The following KCNQ3 variants were observed in gnomAD, a reference collection of about 807,000 sequenced individuals.
The protein encoded by KCNQ3 is potassium voltage-gated channel subfamily Q member 3.
In KCNQ3, 30 loss-of-function variants were observed where a neutral mutation model predicts 92.5. The observed-to-expected ratio is 0.32, with a 90% CI of 0.24 to 0.44. The LOEUF (loss-of-function observed/expected upper bound fraction) is 0.44. Among genes scored for constraint, KCNQ3 ranks in the 20% least tolerant of loss-of-function variants. KCNQ3 has a pLI of 1.00. For missense variants in KCNQ3, 913 were observed against 1,140.3 expected (o/e 0.80, Z 2.87); for synonymous variants, 450 against 468.8 (o/e 0.96, Z 0.52).
chr8:132,448,859 T>C (rs1275483357), intron 1 of KCNQ3, among the ~76,000 whole-genome samples: 1 of 152,246 alleles, frequency 6.6e-6, no homozygotes, highest in Non-Finnish European at 1.5e-5. Flanking sequence ...TTCCATCATT[T>C]AGTTTGGCAT....
At chr8:132,268,108 C>T (rs1816046292) in intron 1 of KCNQ3, among the ~76,000 whole-genome samples, 1 of 152,156 alleles carries the variant, frequency 6.6e-6, no homozygotes, top group East Asian at 1.9e-4. Flanking sequence ...ATGCTCCCTC[C>T]CCACCAGCTA....
chr8:132,283,069 T>G (rs1816576470), intron 1 of KCNQ3, among the ~76,000 whole-genome samples: 1 of 143,036 alleles, frequency 7.0e-6, no homozygotes, highest in South Asian at 2.4e-4. Context: ...AGAAAGGAGA[T>G]GAGGATCTCT....
chr8:132,179,268 T>C (rs1287668733), intron 4 of KCNQ3, among the ~76,000 whole-genome samples: 3 of 151,932 alleles, frequency 2.0e-5, no homozygotes, highest in Non-Finnish European at 4.4e-5. Flanking sequence ...TTGGGTTCCA[T>C]ACCTGCTCAG....
intron 1 of KCNQ3, among the ~76,000 whole-genome samples, chr8:132,332,386 G>T (rs992356510): frequency 6.6e-6 from 1 of 152,184 alleles, no homozygotes; most frequent in African/African-American, 2.4e-5. Flanking sequence ...AATGCATTAG[G>T]CATTATTCTC....
intron 1 of KCNQ3, among the ~76,000 whole-genome samples, chr8:132,440,465 T>C (rs1821507792): frequency 6.6e-6 from 1 of 152,178 alleles, no homozygotes; most frequent in Admixed American, 6.5e-5. Context: ...TCCTTCCCTC[T>C]GTGTCCAAGC....
chr8:132,436,212 A>G (rs1821390562), intron 1 of KCNQ3, among the ~76,000 whole-genome samples: 1 of 152,242 alleles, frequency 6.6e-6, no homozygotes, highest in Non-Finnish European at 1.5e-5. Context: ...ATTATCAATA[A>G]AATTGTAAAT....
chr8:132,340,911 A>G (rs1586940894), intron 1 of KCNQ3, among the ~76,000 whole-genome samples: 2 of 152,200 alleles, frequency 1.3e-5, no homozygotes, highest in Non-Finnish European at 1.5e-5. Context: ...GGATCCCTCA[A>G]GGAGTTCTCT....
chr8:132,296,238 C>T (rs16904651), intron 1 of KCNQ3, among the ~76,000 whole-genome samples: 3,907 of 152,176 alleles, frequency 0.026, 186 homozygotes, highest in African/African-American at 0.089. Flanking sequence ...TGCCTTAGGG[C>T]GGCTTTTCAG....
chr8:132,139,984 A>T, intron 11 of KCNQ3, 92 bp downstream of exon 11: 1 of 883,326 alleles, frequency 1.1e-6, no homozygotes, highest in Non-Finnish European at 1.8e-6. Flanking sequence ...CCCCTTCCCA[A>T]AGTGCAAGAT....
chr8:132,285,062 G>A (rs193127723), intron 1 of KCNQ3, among the ~76,000 whole-genome samples: 13 of 152,274 alleles, frequency 8.5e-5, no homozygotes, highest in African/African-American at 2.9e-4. Flanking sequence ...TTCAGTCATA[G>A]GTATTTTTTT....
chr8:132,368,453 G>A (rs1200361099), intron 1 of KCNQ3, among the ~76,000 whole-genome samples: 1 of 152,068 alleles, frequency 6.6e-6, no homozygotes, highest in Non-Finnish European at 1.5e-5. Flanking sequence ...AGGAGTTTGA[G>A]ACCAGCCTGG....
In KCNQ3 at chr8:132,284,301, A is replaced by G. The variant is rs143967637; in HGVS notation, c.387-98120T>C. 2.3e-3 allele frequency among the ~76,000 whole-genome samples: 348 copies of G among 152,278 alleles called. 1 individual carries two copies. The highest frequency in any genetic ancestry group is 7.8e-3 in the African/African-American group (326 of 41,562). On this transcript the variant is annotated intron_variant, in intron 1 of 14. Transcript: ENST00000388996. ...ATTCCTGGTCCAGTGACCAGGGGTA[A>G]ATATACCTTGTACTATTAAGTTATA...
intron 1 of KCNQ3, among the ~76,000 whole-genome samples, chr8:132,281,331 C>T (rs888165237): frequency 6.6e-6 from 1 of 152,142 alleles, no homozygotes; most frequent in African/African-American, 2.4e-5. Flanking sequence ...TCTGGCACCT[C>T]AAAAGCACCT....
At chr8:132,453,649 C>T (rs1821874857) in intron 1 of KCNQ3, among the ~76,000 whole-genome samples, 1 of 152,124 alleles carries the variant, frequency 6.6e-6, no homozygotes, top group African/African-American at 2.4e-5. Context: ...TGAGCTGGAT[C>T]ATGATCAGTC....
chr8:132,319,648 C>G (rs1040473376), intron 1 of KCNQ3, among the ~76,000 whole-genome samples: 1 of 152,180 alleles, frequency 6.6e-6, no homozygotes, highest in African/African-American at 2.4e-5. Context: ...GACGAAGCAG[C>G]CGCACTGCCA....
intron 1 of KCNQ3, among the ~76,000 whole-genome samples, chr8:132,259,422 T>A (rs906325739): frequency 1.3e-5 from 2 of 152,032 alleles, no homozygotes; most frequent in African/African-American, 4.8e-5. Context: ...TTTCAATAAA[T>A]AGAAAAAGCA....
intron 1 of KCNQ3, among the ~76,000 whole-genome samples, chr8:132,205,456 A>T (rs1178620801): frequency 6.6e-6 from 1 of 152,210 alleles, no homozygotes. Context: ...GAGGATGTTT[A>T]ATTTAACAAA....
chr8:132,274,234 AAGG>A (rs1313970101), intron 1 of KCNQ3, among the ~76,000 whole-genome samples: 3 of 152,202 alleles, frequency 2.0e-5, no homozygotes, highest in African/African-American at 7.2e-5. Context: ...GGTGGAAGGC[AAGG>A]AGAAGGAAGT....
At chr8:132,468,090 T>C (rs373671806) in intron 1 of KCNQ3, among the ~76,000 whole-genome samples, 58 of 152,356 alleles carry the variant, frequency 3.8e-4, no homozygotes, top group African/African-American at 1.4e-3. Context: ...CACAAATTGC[T>C]GCAAAGTAAC....
Sources: allele counts gnomAD v4.1 joint callset (sites outside exome capture counted in the v4.1 genomes callset), GRCh38; gene constraint gnomAD v4.1.1; transcripts MANE v1.5; gene names NCBI Gene and HGNC (gene_info 2026-07-23, HGNC 2026-07-21).